The following FAM13A variants were observed in gnomAD, a reference collection of about 807,000 sequenced individuals.
The protein encoded by FAM13A is family with sequence similarity 13 member A.
In FAM13A, 76 loss-of-function variants were observed where a neutral mutation model predicts 129.6. The observed-to-expected ratio is 0.59, with a 90% CI of 0.49 to 0.71. The LOEUF (loss-of-function observed/expected upper bound fraction) is 0.71. Among genes scored for constraint, FAM13A ranks in the 30% least tolerant of loss-of-function variants. The pLI, the probability that FAM13A is intolerant of heterozygous loss-of-function variation, is 0.00. For synonymous variants in FAM13A, 443 were observed against 449.9 expected (o/e 0.98, Z 0.20); for missense variants, 1,108 against 1,249.3 (o/e 0.89, Z 1.70).
intron 6 of FAM13A, among the ~76,000 whole-genome samples, chr4:88,892,555 T>C (rs555523177): frequency 6.6e-6 from 1 of 152,298 alleles, no homozygotes; most frequent in South Asian, 2.1e-4. Flanking sequence ...AAAGTAGCAG[T>C]TGAATAATTT....
intron 7 of FAM13A, among the ~76,000 whole-genome samples, chr4:88,816,498 A>G (rs941407378): frequency 2.6e-5 from 4 of 152,224 alleles, no homozygotes; most frequent in Admixed American, 2.6e-4. Flanking sequence ...TGCCTAACAT[A>G]AAAACAACTT....
intron 8 of FAM13A, among the ~76,000 whole-genome samples, chr4:88,801,664 C>T (rs534202403): frequency 2.0e-5 from 3 of 152,288 alleles, no homozygotes; most frequent in Admixed American, 2.0e-4. Context: ...CCCTGAAGCA[C>T]ACATCCTCAG....
chr4:88,913,551 G>A (rs1003863153), intron 5 of FAM13A, among the ~76,000 whole-genome samples: 2 of 150,986 alleles, frequency 1.3e-5, no homozygotes, highest in Admixed American at 1.3e-4. Flanking sequence ...AGAGGAGGAA[G>A]AGGAGGAGGA....
intron 11 of FAM13A, among the ~76,000 whole-genome samples, chr4:88,776,320 G>A (rs1287971056): frequency 3.9e-5 from 6 of 151,970 alleles, no homozygotes; most frequent in South Asian, 2.1e-4. Context: ...ATTGAAGGGC[G>A]GTACAGTGGA....
At chr4:88,811,407 C>G (rs1729641059) in intron 7 of FAM13A, among the ~76,000 whole-genome samples, 3 of 152,156 alleles carry the variant, frequency 2.0e-5, no homozygotes. Flanking sequence ...TCTTTATCAC[C>G]TATTCTGTCT....
At chr4:88,851,745 A>T (rs1264233909) in intron 6 of FAM13A, among the ~76,000 whole-genome samples, 1 of 152,186 alleles carries the variant, frequency 6.6e-6, no homozygotes, top group Admixed American at 6.5e-5. Context: ...TAGGAAAAAC[A>T]CAAGCTTTTT....
chr4:88,976,850 G>GAT (rs1171747093), intron 4 of FAM13A, among the ~76,000 whole-genome samples: 1 of 152,042 alleles, frequency 6.6e-6, no homozygotes. Flanking sequence ...GATATGGTTA[G>GAT]ATATACAAAT....
intron 7 of FAM13A, among the ~76,000 whole-genome samples, chr4:88,835,686 C>T (rs535231744): frequency 6.6e-6 from 1 of 151,900 alleles, no homozygotes; most frequent in African/African-American, 2.4e-5. Context: ...TCACAAGGAA[C>T]GTGCAACCTA....
chr4:88,864,659 A>G (rs986557370), intron 6 of FAM13A, among the ~76,000 whole-genome samples: 3 of 152,174 alleles, frequency 2.0e-5, no homozygotes, highest in Non-Finnish European at 2.9e-5. Context: ...TGCCTGCCTC[A>G]GCCTCCCAAA....
chr4:88,833,707 G>A (rs1299457863), intron 7 of FAM13A, among the ~76,000 whole-genome samples: 1 of 152,018 alleles, frequency 6.6e-6, no homozygotes, highest in Non-Finnish European at 1.5e-5. Context: ...TCAACATGGT[G>A]AAACCCCATC....
chr4:88,823,014 T>C (rs373943693), intron 7 of FAM13A: 3 of 1,613,716 alleles, frequency 1.9e-6, no homozygotes, highest in Admixed American at 1.7e-5. Flanking sequence ...TTCTCGTATG[T>C]AAATTTGCAA....
chr4:88,727,535 GA>G lies in FAM13A; in HGVS notation c.*997del, dbSNP rs1408398981. The G allele has an allele frequency of 2.0e-5, 3 of 150,382 alleles. No homozygotes were observed. The highest frequency in any genetic ancestry group is 6.6e-5 in the Admixed American group (1 of 15,170). 9.3% of individuals were successfully genotyped at this position (150,382 alleles called of 1,614,324 possible). ...CTGTCAGTTTGGGGATTTTAGTGCAGATTTTTTTTAAAAAAATTAAACTCTG... is the reference window on the plus strand; with the variant it reads ...CTGTCAGTTTGGGGATTTTAGTGCAGTTTTTTTTAAAAAAATTAAACTCTG... On this transcript the variant is annotated 3_prime_UTR_variant, in exon 24 of 24. Coordinates refer to ENST00000264344, the MANE Select transcript of FAM13A (RefSeq NM_014883.4).
chr4:89,015,659 TTACTA>T (rs1372237915), intron 3 of FAM13A, among the ~76,000 whole-genome samples: 7 of 152,216 alleles, frequency 4.6e-5, no homozygotes, highest in Non-Finnish European at 7.3e-5. Context: ...AAGTGAAAAC[TTACTA>T]TACTATACAT....
intron 1 of FAM13A, among the ~76,000 whole-genome samples, chr4:89,042,258 G>A (rs1383418944): frequency 6.6e-6 from 1 of 151,962 alleles, no homozygotes; most frequent in Non-Finnish European, 1.5e-5. Flanking sequence ...TAAGCTCTAA[G>A]TACAGTAAAA....
At chr4:89,043,436 G>C (rs940914681) in intron 1 of FAM13A, among the ~76,000 whole-genome samples, 2 of 152,026 alleles carry the variant, frequency 1.3e-5, no homozygotes, top group African/African-American at 2.4e-5. Flanking sequence ...AGCAATAGAG[G>C]GGGGAATCTC....
chr4:88,931,879 T>C (rs1753090591), intron 5 of FAM13A, among the ~76,000 whole-genome samples: 2 of 152,200 alleles, frequency 1.3e-5, no homozygotes, highest in African/African-American at 4.8e-5. Flanking sequence ...ATTCTCACTA[T>C]GTAAGTTTAC....
intron 4 of FAM13A, among the ~76,000 whole-genome samples, chr4:88,989,115 G>A (rs1227855744): frequency 6.6e-6 from 1 of 151,812 alleles, no homozygotes; most frequent in Non-Finnish European, 1.5e-5. Flanking sequence ...GACTGAGGCA[G>A]GAGAATCGCA....
In FAM13A at chr4:88,938,233, G is replaced by A; in HGVS notation, c.614C>T (p.Pro205Leu). The change falls in exon 5 of 24, where the codon CCT becomes CTT. Residue 205 changes from proline (P) to leucine (L), a missense_variant. Pro to Leu is a moderately conservative substitution (Grantham distance 98). Coordinates refer to ENST00000264344, the MANE Select transcript of FAM13A (RefSeq NM_014883.4). ...VFGPNCFHVP[P>L]GLEGMKEQDL... ...CTGTTCCTTCATGCCTTCAAGCCCAGGTGGCACACTAGAAACAAGAAAGGG... is the reference window on the plus strand; with the variant it reads ...CTGTTCCTTCATGCCTTCAAGCCCAAGTGGCACACTAGAAACAAGAAAGGG... The A allele has an allele frequency of 6.2e-7, 1 of 1,602,850 alleles. No homozygotes were observed. Among genetic ancestry groups the A allele is most frequent in the Non-Finnish European group, 8.5e-7 (1 of 1,176,274 alleles).
intron 7 of FAM13A, among the ~76,000 whole-genome samples, chr4:88,847,304 T>A (rs1419168429): frequency 6.6e-6 from 1 of 152,082 alleles, no homozygotes; most frequent in Non-Finnish European, 1.5e-5. Context: ...GATTGGTGGA[T>A]CGCTTGAGCT....
Sources: gnomAD v4.1 joint callset for allele counts (sites outside exome capture counted in the v4.1 genomes callset) on GRCh38, gnomAD v4.1.1 for gene constraint, MANE v1.5 for transcripts, NCBI Gene and HGNC (gene_info 2026-07-23, HGNC 2026-07-21) for gene names.